The following DEPDC1B variants were observed in gnomAD, a reference collection of about 807,000 sequenced individuals.
DEPDC1B encodes the protein DEP domain containing 1B.
In DEPDC1B, 51 loss-of-function variants were observed where a neutral mutation model predicts 66.5. That is an observed-to-expected ratio of 0.77 (90% CI 0.61 to 0.97). The LOEUF (loss-of-function observed/expected upper bound fraction) is 0.97, where lower values mean the gene tolerates loss of function less well. DEPDC1B is among the 50% of genes least tolerant of loss of function. The probability of loss-of-function intolerance (pLI) is 0.00; values close to 1 mark genes in which losing one functional copy is unlikely to be tolerated. For missense variants in DEPDC1B, 552 were observed against 637.1 expected, an observed-to-expected ratio of 0.87 and a Z score of 1.44; for synonymous variants, 226 against 223.6, an observed-to-expected ratio of 1.01 and a Z score of -0.10.
intron 7 of DEPDC1B, among the ~76,000 whole-genome samples, chr5:60,615,542 C>T (rs1481344573): frequency 1.3e-5 from 2 of 152,216 alleles, no homozygotes; most frequent in African/African-American, 4.8e-5. Context: ...CGGAGCCTTG[C>T]TCATTGCTAG....
intron 2 of DEPDC1B, among the ~76,000 whole-genome samples, chr5:60,670,368 C>T (rs1056576789): frequency 9.2e-5 from 14 of 151,952 alleles, no homozygotes; most frequent in African/African-American, 2.7e-4. Context: ...AGCGAGACTC[C>T]GTCTCAAAAA....
chr5:60,611,857 G>A (rs1448619596), intron 7 of DEPDC1B, among the ~76,000 whole-genome samples: 1 of 152,224 alleles, frequency 6.6e-6, no homozygotes, highest in Non-Finnish European at 1.5e-5. Context: ...AAGGGTTAAT[G>A]TAGAAGCTGC....
At chr5:60,690,672 C>A (rs1754522067) in intron 1 of DEPDC1B, among the ~76,000 whole-genome samples, 1 of 152,162 alleles carries the variant, frequency 6.6e-6, no homozygotes, top group Admixed American at 6.6e-5. Context: ...ACCTCTCTTC[C>A]TATTTAAATC....
At chr5:60,654,896 T>G (rs1753542239) in intron 2 of DEPDC1B, among the ~76,000 whole-genome samples, 1 of 149,140 alleles carries the variant, frequency 6.7e-6, no homozygotes, top group African/African-American at 2.5e-5. Context: ...ATGATTTTTG[T>G]TTTTAGTTCT....
intron 7 of DEPDC1B, among the ~76,000 whole-genome samples, chr5:60,631,490 T>A (rs1055290649): frequency 9.2e-5 from 14 of 152,168 alleles, no homozygotes; most frequent in Non-Finnish European, 1.0e-4. Context: ...ACTCTCCAGC[T>A]CCCTGCAAGG....
intron 2 of DEPDC1B, among the ~76,000 whole-genome samples, chr5:60,653,721 G>A (rs533555680): frequency 4.0e-5 from 6 of 151,352 alleles, no homozygotes; most frequent in Non-Finnish European, 2.9e-5. Context: ...GATGTTCTGC[G>A]ATTTTTATGA....
intron 2 of DEPDC1B, among the ~76,000 whole-genome samples, chr5:60,674,268 T>C (rs1253474205): frequency 6.6e-6 from 1 of 152,154 alleles, no homozygotes; most frequent in Non-Finnish European, 1.5e-5. Flanking sequence ...TTTGAAATTA[T>C]CATGAGTTAA....
chr5:60,624,420 G>C (rs1375697315), intron 7 of DEPDC1B, among the ~76,000 whole-genome samples: 2 of 152,002 alleles, frequency 1.3e-5, no homozygotes, highest in Non-Finnish European at 2.9e-5. Context: ...TTTTGCATTT[G>C]GTTTTATCAG....
At chr5:60,615,111 T>A (rs916101988) in intron 7 of DEPDC1B, among the ~76,000 whole-genome samples, 1 of 152,164 alleles carries the variant, frequency 6.6e-6, no homozygotes. Flanking sequence ...AAATTAATAC[T>A]TGAATAAAAT....
At chr5:60,678,647 T>C (rs545381488) in intron 2 of DEPDC1B, among the ~76,000 whole-genome samples, 1 of 152,322 alleles carries the variant, frequency 6.6e-6, no homozygotes, top group East Asian at 1.9e-4. Flanking sequence ...CACCCTAATG[T>C]ATACTACATC....
intron 1 of DEPDC1B, among the ~76,000 whole-genome samples, chr5:60,695,893 GGT>G (rs1332155890): frequency 1.3e-5 from 2 of 152,088 alleles, no homozygotes; most frequent in Non-Finnish European, 2.9e-5. Flanking sequence ...CCGACGCCCT[GGT>G]TCAAGTGATT....
chr5:60,598,968 T>C, intron 10 of DEPDC1B, 107 bp downstream of exon 10: 1 of 961,408 alleles, frequency 1.0e-6, no homozygotes, highest in African/African-American at 1.7e-5. Flanking sequence ...CTTAGAAAAC[T>C]GCTATGGCTC....
At chr5:60,689,919 G>A (rs2112040126) in intron 1 of DEPDC1B, among the ~76,000 whole-genome samples, 1 of 152,166 alleles carries the variant, frequency 6.6e-6, no homozygotes, top group East Asian at 1.9e-4. Flanking sequence ...GTGTGTGCCT[G>A]TAGCTGCAGC....
chr5:60,643,643 TCTAA>T (rs1462251440), intron 5 of DEPDC1B, among the ~76,000 whole-genome samples: 5 of 152,234 alleles, frequency 3.3e-5, no homozygotes, highest in Admixed American at 6.5e-5. Flanking sequence ...TGATTGATCA[TCTAA>T]CTGATAACTA....
intron 7 of DEPDC1B, among the ~76,000 whole-genome samples, chr5:60,617,399 C>A (rs995883302): frequency 6.6e-6 from 1 of 152,140 alleles, no homozygotes; most frequent in South Asian, 2.1e-4. Context: ...ACCCATCTCA[C>A]ATGCAGAGAC....
intron 7 of DEPDC1B, among the ~76,000 whole-genome samples, chr5:60,615,581 T>C (rs1412205425): frequency 6.6e-6 from 1 of 152,094 alleles, no homozygotes; most frequent in Non-Finnish European, 1.5e-5. Flanking sequence ...AACTGCAAGG[T>C]GGCAGCCAGG....
intron 7 of DEPDC1B, among the ~76,000 whole-genome samples, chr5:60,636,955 A>G (rs1192739396): frequency 6.6e-6 from 1 of 152,222 alleles, no homozygotes; most frequent in African/African-American, 2.4e-5. Context: ...ATCAAAATGA[A>G]TAATTGTGAT....
rs1476394732 is a variant in DEPDC1B at position 60,605,707 on chromosome 5, A to T, written c.1048T>A (p.Phe350Ile). 6.2e-7 allele frequency: 1 copy of T among 1,611,440 alleles called. No individual in the cohort carries two copies. Among genetic ancestry groups the T allele is most frequent in the Admixed American group, 1.7e-5 (1 of 59,652 alleles). Residue 350 changes from phenylalanine to isoleucine, a missense_variant, in exon 8 of 11, where the codon TTT becomes ATT. Transcript: ENST00000265036. The part of the protein sequence containing the change: ...NKEMPPLCDG[F>I]GTRTLMVQTF... ...CAACCTACCAGTGTTCGGGTACCAAAGCCATCACACAGGGGTGGCATCTCT... is the reference window on the plus strand; with the variant it reads ...CAACCTACCAGTGTTCGGGTACCAATGCCATCACACAGGGGTGGCATCTCT...
chr5:60,670,546 T>C (rs1254273591), intron 2 of DEPDC1B, among the ~76,000 whole-genome samples: 2 of 152,168 alleles, frequency 1.3e-5, no homozygotes, highest in Non-Finnish European at 2.9e-5. Flanking sequence ...GAAAAAGAAC[T>C]AGAATAACCC....
Sources: gnomAD v4.1 joint callset for allele counts (sites outside exome capture counted in the v4.1 genomes callset) on GRCh38, gnomAD v4.1.1 for gene constraint, MANE v1.5 for transcripts, NCBI Gene and HGNC (gene_info 2026-07-23, HGNC 2026-07-21) for gene names.